CLDN10: variants seen among roughly 807,000 people sequenced by gnomAD.
The protein encoded by CLDN10 is claudin-10.
A neutral mutation model predicts 22.9 loss-of-function variants in CLDN10; 15 were observed. The observed-to-expected ratio is 0.65, with a 90% CI of 0.44 to 1.01. CLDN10 has a LOEUF of 1.01. Among genes scored for constraint, CLDN10 ranks in the 50% least tolerant of loss-of-function variants. The probability of loss-of-function intolerance (pLI) is 0.00; values close to 1 mark genes in which losing one functional copy is unlikely to be tolerated. For synonymous variants in CLDN10, 114 were observed against 111.4 expected, an observed-to-expected ratio of 1.02 and a Z score of -0.15; for missense variants, 247 against 287.8, an observed-to-expected ratio of 0.86 and a Z score of 1.03.
chr13:95,489,064 G>T (rs907171133), intron 1 of CLDN10, among the ~76,000 whole-genome samples: 1 of 135,816 alleles, frequency 7.4e-6, no homozygotes, highest in African/African-American at 2.9e-5. Context: ...TAATTCTCCT[G>T]CCTCAGCCTC....
At chr13:95,457,221 A>T (rs1349192865) in intron 1 of CLDN10, among the ~76,000 whole-genome samples, 2 of 152,190 alleles carry the variant, frequency 1.3e-5, no homozygotes, top group African/African-American at 4.8e-5. Flanking sequence ...TAGTCCATCC[A>T]CATCTCTGGA....
At chr13:95,444,636 T>C (rs1209401882) in intron 1 of CLDN10, among the ~76,000 whole-genome samples, 1 of 152,164 alleles carries the variant, frequency 6.6e-6, no homozygotes, top group Non-Finnish European at 1.5e-5. Flanking sequence ...TCACAAGAAG[T>C]TTGCCAAGGA....
rs367930259 is a variant in CLDN10, at chr13:95,503,423, C to A, written c.215-56709C>A. ...AAAGGGAAGGATGTTATATCAAGAG[C>A]TGTCCATAGGTTCCTCAAAAAATTA... On this transcript the variant is annotated intron_variant, in intron 1 of 4. Transcript: ENST00000376873. Among the ~76,000 whole-genome samples the A allele has an allele frequency of 7.2e-5, 11 of 152,242 alleles. No homozygotes were observed. The East Asian group carries it at 2.1e-3, about 29-fold the overall frequency.
intron 3 of CLDN10, among the ~76,000 whole-genome samples, chr13:95,561,666 C>T (rs1204584680): frequency 6.6e-6 from 1 of 151,980 alleles, no homozygotes; most frequent in Non-Finnish European, 1.5e-5. Flanking sequence ...AACTTCAGAA[C>T]ACTGGCTCTT....
Position 95,514,191 on chromosome 13 carries a change from G to A in CLDN10, c.215-45941G>A, listed in dbSNP as rs116677834. On this transcript the variant is annotated intron_variant, in intron 1 of 4. Coordinates refer to the CLDN10 transcript ENST00000376873. The stretch of plus-strand genomic sequence containing the variant: ...GGAGGATGGCTTGAGCCTGGGAGGT[G>A]GAGGTTACAGTGAGCTGTGATTACA... 2.0e-3 allele frequency among the ~76,000 whole-genome samples: 309 copies of A among 152,236 alleles called. 2 individuals carry two copies. Among genetic ancestry groups the A allele is most frequent in the African/African-American group, 7.2e-3 (298 of 41,536 alleles).
rs767640075 is a variant in CLDN10 at position 95,434,074 on chromosome 13, G to A, written c.214+27G>A. 10 of 1,596,856 alleles carry A rather than the reference G, an allele frequency of 6.3e-6. No individual in the cohort carries two copies. In the Admixed American group the frequency reaches 1.5e-4, roughly 24 times the overall value. ...TAAATATAATGGCTTTGTTTGGGGT[G>A]GAGGTAAAATGTACTTTTCCCCCCG... On this transcript the variant is annotated intron_variant, in intron 1 of 4. Transcript: ENST00000376873.
exon 1 of CLDN10, chr13:95,433,849 A>T: frequency 6.2e-7 from 1 of 1,614,068 alleles, no homozygotes; most frequent in Non-Finnish European, 8.5e-7. Flanking sequence ...CAGGGCGCAG[A>T]TCTGGGCTCT....
Position 95,440,863 on chromosome 13 carries a change from G to A in CLDN10, c.214+6816G>A, listed in dbSNP as rs997231800. Among the ~76,000 whole-genome samples the A allele has an allele frequency of 2.0e-5, 3 of 152,380 alleles. 1 individual carries two copies. Among genetic ancestry groups the A allele is most frequent in the Middle Eastern group, 6.8e-3 (2 of 294 alleles). On this transcript the variant is annotated intron_variant, in intron 1 of 4. Transcript: ENST00000376873. ...AGTGCCCTAGCCTTACAGTGGTGAAGATGGCGCTGGAGCGGTCAGAATGAC... is the reference window on the plus strand; with the variant it reads ...AGTGCCCTAGCCTTACAGTGGTGAAAATGGCGCTGGAGCGGTCAGAATGAC...
chr13:95,438,974 GCAAAA>G lies in CLDN10; in HGVS notation c.214+4928_214+4932del, dbSNP rs1490481558. ...CTGGGTGACAGAGCAAGACTCCATC[GCAAAA>G]AAAAAAAAAAAAAAAAAAAGCGGAG... On this transcript the variant is annotated intron_variant, in intron 1 of 4. Transcript: ENST00000376873. Among the ~76,000 whole-genome samples the G allele has an allele frequency of 2.1e-3, 108 of 50,384 alleles. 2 individuals are homozygous for G. In the South Asian group the frequency reaches 0.072, roughly 33 times the overall value. The allele number at this position is 50,384 out of a possible 152,430, so 33.1% of individuals were successfully genotyped here. A position where few individuals can be genotyped will look rare whatever the true frequency, so the allele number is the denominator to read the frequency against.
At chr13:95,478,581 G>T (rs2042707831) in intron 1 of CLDN10, among the ~76,000 whole-genome samples, 1 of 152,174 alleles carries the variant, frequency 6.6e-6, no homozygotes, top group Admixed American at 6.5e-5. Context: ...GGTGGGTGGG[G>T]TGAACAGGGA....
At chr13:95,515,962 T>C (rs1237947363) in intron 1 of CLDN10, among the ~76,000 whole-genome samples, 1 of 151,726 alleles carries the variant, frequency 6.6e-6, no homozygotes, top group African/African-American at 2.4e-5. Flanking sequence ...TAATCCCAGC[T>C]ACTCAGGAGG....
intron 1 of CLDN10, among the ~76,000 whole-genome samples, chr13:95,452,589 G>A (rs373042983): frequency 2.0e-5 from 3 of 152,266 alleles, no homozygotes; most frequent in Middle Eastern, 3.4e-3. Context: ...TGACTGGGTC[G>A]TGTGGACATT....
At chr13:95,449,775 G>C (rs531622810) in intron 1 of CLDN10, among the ~76,000 whole-genome samples, 21 of 132,118 alleles carry the variant, frequency 1.6e-4, no homozygotes, top group African/African-American at 5.2e-4. Context: ...GCAGAATCTT[G>C]CTCTGTCTCC....
chr13:95,495,046 T>A (rs200051828), intron 1 of CLDN10, among the ~76,000 whole-genome samples: 18 of 99,862 alleles, frequency 1.8e-4, no homozygotes, highest in African/African-American at 5.3e-4. Context: ...TTAATTAATT[T>A]TTTTTTTTAG....
chr13:95,454,179 C>A (rs2042460393), intron 1 of CLDN10, among the ~76,000 whole-genome samples: 1 of 152,130 alleles, frequency 6.6e-6, no homozygotes, highest in Non-Finnish European at 1.5e-5. Context: ...GTGGCTCACA[C>A]CTGTAATCCC....
intron 1 of CLDN10, among the ~76,000 whole-genome samples, chr13:95,464,097 A>AATATAT (rs560024935): frequency 6.7e-6 from 1 of 148,848 alleles, no homozygotes; most frequent in African/African-American, 2.5e-5. Context: ...ATTTTTTTTA[A>AATATAT]ATATATATAT....
At chr13:95,476,802 G>A (rs376046003) in intron 1 of CLDN10, among the ~76,000 whole-genome samples, 6 of 152,214 alleles carry the variant, frequency 3.9e-5, no homozygotes, top group East Asian at 3.9e-4. Context: ...ACTGAGTCTC[G>A]GGGGCACCTT....
At chr13:95,478,800 C>G (rs1285163110) in intron 1 of CLDN10, among the ~76,000 whole-genome samples, 1 of 152,208 alleles carries the variant, frequency 6.6e-6, no homozygotes, top group Non-Finnish European at 1.5e-5. Flanking sequence ...GTGGTCTCGA[C>G]AGGTGGGATC....
At chr13:95,484,906 G>A (rs2042789384) in intron 1 of CLDN10, among the ~76,000 whole-genome samples, 1 of 147,754 alleles carries the variant, frequency 6.8e-6, no homozygotes, top group African/African-American at 2.5e-5. Context: ...GAAGCAGAGT[G>A]CAATACAACA....
Sources: gnomAD v4.1 joint callset for allele counts (sites outside exome capture counted in the v4.1 genomes callset) on GRCh38, gnomAD v4.1.1 for gene constraint, MANE v1.5 for transcripts, NCBI Gene and HGNC (gene_info 2026-07-23, HGNC 2026-07-21) for gene names.